The following KCNS3 variants were observed in gnomAD, a reference collection of about 807,000 sequenced individuals.
The protein encoded by KCNS3 is potassium voltage-gated channel modifier subfamily S member 3, also known as delayed-rectifier potassium channel regulatory subunit KCNS3.
KCNS3 carries 13 observed loss-of-function variants against 31.0 expected under a neutral mutation model. That is an observed-to-expected ratio of 0.42 (90% CI 0.27 to 0.67). The LOEUF (loss-of-function observed/expected upper bound fraction) is 0.67, where lower values mean the gene tolerates loss of function less well. KCNS3 is among the 30% of genes least tolerant of loss of function. The probability of loss-of-function intolerance (pLI) is 0.25; values close to 1 mark genes in which losing one functional copy is unlikely to be tolerated. For missense variants in KCNS3, 545 were observed against 622.4 expected (o/e 0.88, Z 1.32); for synonymous variants, 238 against 241.5 (o/e 0.99, Z 0.13).
At chr2:17,905,506 G>A (rs1241206363) in intron 1 of KCNS3, among the ~76,000 whole-genome samples, 1 of 152,148 alleles carries the variant, frequency 6.6e-6, no homozygotes, top group Non-Finnish European at 1.5e-5. Flanking sequence ...TGTTGAATAG[G>A]AGTGGTGAGA....
chr2:17,923,999 G>A (rs1432615157), intron 2 of KCNS3, among the ~76,000 whole-genome samples: 5 of 151,828 alleles, frequency 3.3e-5, no homozygotes, highest in Non-Finnish European at 7.4e-5. Context: ...CGTGAACATT[G>A]GGTGTCTTTC....
At chr2:17,882,567 T>C (rs1209339213) in intron 1 of KCNS3, among the ~76,000 whole-genome samples, 1 of 152,148 alleles carries the variant, frequency 6.6e-6, no homozygotes, top group Non-Finnish European at 1.5e-5. Context: ...AATTTCATCC[T>C]GGACCTGGCC....
chr2:17,885,370 C>T (rs1052386617), intron 1 of KCNS3, among the ~76,000 whole-genome samples: 3 of 152,324 alleles, frequency 2.0e-5, no homozygotes, highest in Non-Finnish European at 4.4e-5. Context: ...AGAGGTACAT[C>T]TGGTCTGTTT....
Position 17,921,915 on chromosome 2 carries a change from G to GTATATATATA in KCNS3, c.-60+4079_-60+4088dup, listed in dbSNP as rs56064218. On this transcript the variant is annotated intron_variant, in intron 2 of 2. Coordinates refer to ENST00000304101, the MANE Select transcript of KCNS3 (RefSeq NM_002252.5). ...TTTTCATATATATGTGTGTGTGTGT[G>GTATATATATA]TATATATATATATATATATATATAT... Among the ~76,000 whole-genome samples, 211 of 32,652 alleles carry GTATATATATA rather than the reference G, an allele frequency of 6.5e-3. 1 individual carries two copies. The highest frequency in any genetic ancestry group is 9.3e-3 in the African/African-American group (76 of 8,148). 21.4% of individuals were successfully genotyped at this position (32,652 alleles called of 152,430 possible).
chr2:17,900,243 G>A (rs1662140307), intron 1 of KCNS3, among the ~76,000 whole-genome samples: 1 of 152,190 alleles, frequency 6.6e-6, no homozygotes, highest in Non-Finnish European at 1.5e-5. Context: ...AGCTCACGGT[G>A]CAGTGTGGAG....
At chr2:17,910,532 G>A (rs1434329235) in intron 1 of KCNS3, among the ~76,000 whole-genome samples, 3 of 152,068 alleles carry the variant, frequency 2.0e-5, no homozygotes, top group Non-Finnish European at 4.4e-5. Context: ...TGCTGTTTCT[G>A]TTGTTGTCAG....
intron 1 of KCNS3, among the ~76,000 whole-genome samples, chr2:17,900,182 G>A (rs1462365888): frequency 6.6e-6 from 1 of 152,126 alleles, no homozygotes; most frequent in Non-Finnish European, 1.5e-5. Context: ...ATTACTTTTG[G>A]CTGGGCATTA....
At chr2:17,919,083 G>C (rs1662656045) in intron 2 of KCNS3, among the ~76,000 whole-genome samples, 3 of 152,220 alleles carry the variant, frequency 2.0e-5, no homozygotes, top group South Asian at 2.1e-4. Flanking sequence ...TTACAAAGAG[G>C]ACAGCTTTCT....
chr2:17,910,851 G>A (rs1662456747), intron 1 of KCNS3, among the ~76,000 whole-genome samples: 1 of 152,050 alleles, frequency 6.6e-6, no homozygotes, highest in Non-Finnish European at 1.5e-5. Context: ...GATAGTACAG[G>A]CAGAATTCTT....
intron 1 of KCNS3, among the ~76,000 whole-genome samples, chr2:17,883,023 G>A (rs1003034476): frequency 6.6e-6 from 1 of 152,138 alleles, no homozygotes; most frequent in African/African-American, 2.4e-5. Context: ...ACTACGATTT[G>A]CTTTGAGGAG....
At chr2:17,904,893 T>C (rs1418658295) in intron 1 of KCNS3, among the ~76,000 whole-genome samples, 10 of 152,214 alleles carry the variant, frequency 6.6e-5, no homozygotes, top group Non-Finnish European at 1.5e-4. Flanking sequence ...TCAGGTAGCG[T>C]GATGCCTCCA....
intron 2 of KCNS3, chr2:17,919,367 T>G (rs532767960): frequency 1.3e-5 from 2 of 152,374 alleles, no homozygotes; most frequent in East Asian, 3.9e-4. Flanking sequence ...TTGTGCTTTA[T>G]GTTTTCAAAA....
intron 1 of KCNS3, among the ~76,000 whole-genome samples, chr2:17,903,685 C>T (rs1404077309): frequency 6.6e-6 from 1 of 151,748 alleles, no homozygotes; most frequent in African/African-American, 2.4e-5. Flanking sequence ...TCAGTTCCCA[C>T]CTATGAGTGA....
At chr2:17,920,354 A>G (rs897737058) in intron 2 of KCNS3, among the ~76,000 whole-genome samples, 1 of 152,216 alleles carries the variant, frequency 6.6e-6, no homozygotes, top group African/African-American at 2.4e-5. Flanking sequence ...GAGCTTGTGT[A>G]TATGTGTATG....
intron 1 of KCNS3, among the ~76,000 whole-genome samples, chr2:17,881,790 C>CA (rs1325354748): frequency 2.0e-5 from 3 of 152,054 alleles, no homozygotes; most frequent in African/African-American, 7.2e-5. Flanking sequence ...TGAACAGTGA[C>CA]AGAGGGGGCT....
chr2:17,907,684 G>A (rs1193466408), intron 1 of KCNS3, among the ~76,000 whole-genome samples: 1 of 152,120 alleles, frequency 6.6e-6, no homozygotes, highest in Non-Finnish European at 1.5e-5. Context: ...GCATTTGCTT[G>A]TCTGTAAAGG....
chr2:17,895,122 A>T (rs772104621), intron 1 of KCNS3, among the ~76,000 whole-genome samples: 7 of 152,184 alleles, frequency 4.6e-5, no homozygotes, highest in Non-Finnish European at 1.0e-4. Flanking sequence ...ATGTTTGTGA[A>T]GCATAAACAC....
intron 1 of KCNS3, among the ~76,000 whole-genome samples, chr2:17,901,342 C>T (rs946913410): frequency 1.3e-5 from 2 of 150,450 alleles, no homozygotes; most frequent in Non-Finnish European, 3.0e-5. Flanking sequence ...AAAAAAAAAT[C>T]GAGTTGAGAG....
intron 2 of KCNS3, among the ~76,000 whole-genome samples, chr2:17,922,678 C>T (rs1662745212): frequency 6.6e-6 from 1 of 152,224 alleles, no homozygotes; most frequent in South Asian, 2.1e-4. Flanking sequence ...CCCCAGCCCC[C>T]AGCAACCACT....
Sources: allele counts gnomAD v4.1 joint callset (sites outside exome capture counted in the v4.1 genomes callset), GRCh38; gene constraint gnomAD v4.1.1; transcripts MANE v1.5; gene names NCBI Gene and HGNC (gene_info 2026-07-23, HGNC 2026-07-21).